Variants in ARL15 observed in about 807,000 individuals in gnomAD.
The protein encoded by ARL15 is ADP-ribosylation factor-like protein 15.
Under a neutral mutation model 25.2 loss-of-function variants are expected in ARL15, and 19 were observed. That is an observed-to-expected ratio of 0.75 (90% CI 0.53 to 1.10). The LOEUF is 1.10. Ranked by LOEUF, ARL15 falls within the 50% of genes least tolerant of loss-of-function variation. The pLI is 0.00. For synonymous variants in ARL15, 94 were observed against 86.8 expected (o/e 1.08, Z -0.46); for missense variants, 220 against 246.0 (o/e 0.89, Z 0.71).
At chr5:54,187,068 T>C (rs1238669349) in intron 1 of ARL15, among the ~76,000 whole-genome samples, 1 of 152,102 alleles carries the variant, frequency 6.6e-6, no homozygotes, top group Non-Finnish European at 1.5e-5. Flanking sequence ...ATTCACAGAA[T>C]TGATGAGAAG....
At chr5:54,105,546 G>A (rs929927270) in intron 4 of ARL15, among the ~76,000 whole-genome samples, 21 of 152,124 alleles carry the variant, frequency 1.4e-4, no homozygotes, top group African/African-American at 4.3e-4. Context: ...TTTCACTTAC[G>A]TAATAAATGA....
At chr5:54,251,069 A>G (rs757518701) in intron 1 of ARL15, among the ~76,000 whole-genome samples, 41 of 152,308 alleles carry the variant, frequency 2.7e-4, no homozygotes, top group Non-Finnish European at 4.0e-4. Context: ...CATGGCTTGG[A>G]AAAGCTGAAG....
chr5:54,057,101 T>C (rs1750900411), intron 4 of ARL15, among the ~76,000 whole-genome samples: 2 of 151,870 alleles, frequency 1.3e-5, no homozygotes, highest in Non-Finnish European at 1.5e-5. Flanking sequence ...AAAAGGAAGA[T>C]TAAATTTTGG....
intron 4 of ARL15, among the ~76,000 whole-genome samples, chr5:53,947,750 C>G (rs184633070): frequency 6.6e-6 from 1 of 152,242 alleles, no homozygotes; most frequent in Non-Finnish European, 1.5e-5. Context: ...AATTCACCAA[C>G]ATTAGAGAAT....
At chr5:54,045,705 T>G (rs189477102) in intron 4 of ARL15, among the ~76,000 whole-genome samples, 5 of 152,218 alleles carry the variant, frequency 3.3e-5, no homozygotes, top group Admixed American at 2.0e-4. Context: ...GGTTCAGACA[T>G]AGAGAGAGTG....
chr5:54,216,393 CAT>C (rs1756206714), intron 1 of ARL15, among the ~76,000 whole-genome samples: 1 of 152,154 alleles, frequency 6.6e-6, no homozygotes, highest in South Asian at 2.1e-4. Context: ...AACTTTGACT[CAT>C]GTGCTTCTTG....
At chr5:54,114,082 C>T (rs1319133008) in intron 3 of ARL15, among the ~76,000 whole-genome samples, 1 of 151,426 alleles carries the variant, frequency 6.6e-6, no homozygotes, top group Non-Finnish European at 1.5e-5. Flanking sequence ...TTTATTAAAA[C>T]AAACAAATAA....
At chr5:53,925,201 ATT>A (rs70986650) in intron 4 of ARL15, among the ~76,000 whole-genome samples, 62 of 147,228 alleles carry the variant, frequency 4.2e-4, no homozygotes, top group African/African-American at 1.3e-3. Flanking sequence ...TATTTTTATA[ATT>A]TTTTTTTTTT....
intron 4 of ARL15, among the ~76,000 whole-genome samples, chr5:54,019,164 GTTTT>G (rs80068965): frequency 6.9e-6 from 1 of 145,454 alleles, no homozygotes; most frequent in Non-Finnish European, 1.5e-5. Flanking sequence ...AGATAAACAG[GTTTT>G]TTTTTTTTCT....
chr5:54,195,971 T>C (rs1755537611), intron 1 of ARL15, among the ~76,000 whole-genome samples: 3 of 152,146 alleles, frequency 2.0e-5, no homozygotes, highest in South Asian at 4.1e-4. Flanking sequence ...GTAGCCCATC[T>C]TCTCCTGTGT....
At chr5:54,283,345 G>A (rs574328473) in intron 1 of ARL15, among the ~76,000 whole-genome samples, 6 of 152,322 alleles carry the variant, frequency 3.9e-5, no homozygotes, top group African/African-American at 1.2e-4. Context: ...GGCTATATGC[G>A]TGGACATTAA....
chr5:53,975,351 TCA>T (rs988685882), intron 4 of ARL15, among the ~76,000 whole-genome samples: 20 of 152,246 alleles, frequency 1.3e-4, no homozygotes, highest in African/African-American at 4.8e-4. Flanking sequence ...TGGAAATATC[TCA>T]GTTTCATTAA....
At chr5:53,937,366 C>T (rs949788148) in intron 4 of ARL15, among the ~76,000 whole-genome samples, 1 of 152,084 alleles carries the variant, frequency 6.6e-6, no homozygotes, top group African/African-American at 2.4e-5. Context: ...ATCACATTTA[C>T]ACTAGTTTTT....
chr5:54,049,106 G>C (rs1238305628), intron 4 of ARL15, among the ~76,000 whole-genome samples: 1 of 151,856 alleles, frequency 6.6e-6, no homozygotes, highest in Non-Finnish European at 1.5e-5. Flanking sequence ...TTCCATTCTG[G>C]GTAGTAAAAC....
chr5:53,918,641 C>T (rs1231051306), intron 4 of ARL15, among the ~76,000 whole-genome samples: 1 of 152,046 alleles, frequency 6.6e-6, no homozygotes, highest in East Asian at 1.9e-4. Flanking sequence ...AACAATTATC[C>T]AAGGTTGACA....
At chr5:54,201,123 G>A (rs1755711748) in intron 1 of ARL15, among the ~76,000 whole-genome samples, 1 of 151,822 alleles carries the variant, frequency 6.6e-6, no homozygotes, top group Non-Finnish European at 1.5e-5. Context: ...TCAAATCTAT[G>A]GCTTACCAGA....
intron 1 of ARL15, among the ~76,000 whole-genome samples, chr5:54,219,365 GA>G (rs1312404960): frequency 4.0e-5 from 6 of 151,746 alleles, no homozygotes; most frequent in South Asian, 2.1e-4. Context: ...CAGGGTGGAA[GA>G]AAAAAAAGAC....
intron 1 of ARL15, among the ~76,000 whole-genome samples, chr5:54,198,687 G>A (rs987736384): frequency 9.9e-5 from 15 of 151,214 alleles, no homozygotes; most frequent in Non-Finnish European, 2.1e-4. Context: ...CTCATGGGTA[G>A]GAAGAATCAA....
intron 4 of ARL15, among the ~76,000 whole-genome samples, chr5:53,892,512 G>C (rs1744748834): frequency 6.6e-6 from 1 of 152,012 alleles, no homozygotes; most frequent in South Asian, 2.1e-4. Context: ...AGTGTCCATT[G>C]CATGGCATGT....
Sources: allele counts gnomAD v4.1 joint callset (sites outside exome capture counted in the v4.1 genomes callset), GRCh38; gene constraint gnomAD v4.1.1; transcripts MANE v1.5; gene names NCBI Gene and HGNC (gene_info 2026-07-23, HGNC 2026-07-21).